DNAH14: variants seen among roughly 807,000 people sequenced by gnomAD.
The protein encoded by DNAH14 is axonemal beta dynein heavy chain 14.
DNAH14 carries 478 observed loss-of-function variants against 520.9 expected under a neutral mutation model. That is an observed-to-expected ratio of 0.92 (90% CI 0.85 to 0.99). DNAH14 has a LOEUF of 0.99. Ranked by LOEUF, DNAH14 falls within the 50% of genes least tolerant of loss-of-function variation. The pLI, the probability that DNAH14 is intolerant of heterozygous loss-of-function variation, is 0.00. For synonymous variants in DNAH14, 1,581 were observed against 1,757.2 expected, an observed-to-expected ratio of 0.90 and a Z score of 2.51; for missense variants, 4,831 against 5,234.5, an observed-to-expected ratio of 0.92 and a Z score of 2.38.
intron 3 of DNAH14, among the ~76,000 whole-genome samples, chr1:224,957,525 C>T (rs1420664642): frequency 6.6e-6 from 1 of 151,988 alleles, no homozygotes; most frequent in African/African-American, 2.4e-5. Context: ...GGCCAAGGAA[C>T]AGTAGCAATT....
chr1:225,281,185 G>T (rs757773744), intron 54 of DNAH14, among the ~76,000 whole-genome samples: 2 of 152,180 alleles, frequency 1.3e-5, no homozygotes, highest in Non-Finnish European at 2.9e-5. Context: ...TAAGGTATAG[G>T]TATGACTGCA....
intron 34 of DNAH14, among the ~76,000 whole-genome samples, chr1:225,154,773 G>A (rs1207050625): frequency 1.3e-5 from 2 of 151,550 alleles, no homozygotes; most frequent in Non-Finnish European, 2.9e-5. Flanking sequence ...GAGTACGGAA[G>A]ATCTTTAAAA....
chr1:224,958,282 A>G (rs967374598), intron 3 of DNAH14, among the ~76,000 whole-genome samples: 6 of 152,118 alleles, frequency 3.9e-5, no homozygotes, highest in Non-Finnish European at 5.9e-5. Flanking sequence ...TGGACAGACA[A>G]TAGGATTTTT....
Position 225,303,204 on chromosome 1 carries a change from C to A in DNAH14, c.8680C>A (p.Pro2894Thr). 1 of 1,538,516 alleles carries A rather than the reference C, an allele frequency of 6.5e-7. No individual in the cohort carries two copies. The highest frequency in any genetic ancestry group is 8.8e-7 in the Non-Finnish European group (1 of 1,141,992). The change falls in exon 57 of 86, where the codon CCT becomes ACT. Residue 2894 changes from proline to threonine, a missense_variant. Physicochemically the swap from Pro to Thr is conservative, Grantham distance 38. Transcript: ENST00000682510. The part of the protein sequence containing the change: ...HIFVIMSPEG[P>T]SFRQNCRVYP... ...TTTTGTGATCATGAGTCCTGAAGGA[C>A]CTAGCTTCCGCCAAAATTGTAGAGT...
At chr1:224,931,355 A>C (rs957197686) in intron 1 of DNAH14, among the ~76,000 whole-genome samples, 1 of 152,196 alleles carries the variant, frequency 6.6e-6, no homozygotes, top group Non-Finnish European at 1.5e-5. Context: ...ATTTATTTTT[A>C]TATTTAAATG....
intron 8 of DNAH14, among the ~76,000 whole-genome samples, chr1:224,997,621 T>A (rs1395058121): frequency 1.3e-5 from 2 of 152,136 alleles, no homozygotes; most frequent in African/African-American, 4.8e-5. Context: ...TTTACTGATA[T>A]CAGTCTGTGT....
intron 69 of DNAH14, among the ~76,000 whole-genome samples, 200 bp downstream of exon 69, chr1:225,340,901 C>G (rs1054729771): frequency 1.3e-5 from 2 of 152,144 alleles, no homozygotes; most frequent in African/African-American, 4.8e-5. Flanking sequence ...TTTGCTTCAG[C>G]TCATTGTGTT....
chr1:224,956,637 A>G (rs559750021), intron 3 of DNAH14, among the ~76,000 whole-genome samples: 3 of 152,160 alleles, frequency 2.0e-5, no homozygotes, highest in Non-Finnish European at 4.4e-5. Flanking sequence ...TAAGCAATAC[A>G]TGACTGTATT....
intron 11 of DNAH14, among the ~76,000 whole-genome samples, chr1:225,034,687 CTG>C (rs1426420193): frequency 6.6e-6 from 1 of 152,052 alleles, no homozygotes; most frequent in African/African-American, 2.4e-5. Flanking sequence ...TAGAACTTGA[CTG>C]TGATTTCATC....
chr1:225,385,879 C>A (rs1282741602), intron 81 of DNAH14, among the ~76,000 whole-genome samples: 1 of 152,172 alleles, frequency 6.6e-6, no homozygotes, highest in African/African-American at 2.4e-5. Context: ...GAAAAAACTA[C>A]TTTAAAGTTC....
chr1:225,129,972 GA>G (rs555355357), intron 27 of DNAH14, among the ~76,000 whole-genome samples: 1 of 151,986 alleles, frequency 6.6e-6, no homozygotes, highest in African/African-American at 2.4e-5. Flanking sequence ...AAATTTACAA[GA>G]AAAAAACAAA....
chr1:225,164,843 A>G (rs1007339870), intron 35 of DNAH14, among the ~76,000 whole-genome samples: 1 of 152,134 alleles, frequency 6.6e-6, no homozygotes, highest in African/African-American at 2.4e-5. Context: ...CCTGGTTGTT[A>G]TAGAAATGTT....
At chr1:225,293,148 C>T (rs1458350321) in intron 55 of DNAH14, among the ~76,000 whole-genome samples, 2 of 152,044 alleles carry the variant, frequency 1.3e-5, no homozygotes, top group African/African-American at 4.8e-5. Context: ...GTCAGAATGG[C>T]TACTATTAAA....
intron 12 of DNAH14, among the ~76,000 whole-genome samples, chr1:225,040,395 A>G (rs2067370986): frequency 6.6e-6 from 1 of 152,246 alleles, no homozygotes; most frequent in Non-Finnish European, 1.5e-5. Flanking sequence ...TGTGGGTGGT[A>G]GGAATCTTGA....
In DNAH14 at chr1:225,079,405, G is replaced by A; in HGVS notation, c.2623G>A (p.Val875Ile). 6.4e-7 allele frequency: 1 copy of A among 1,550,696 alleles called. No homozygotes were observed. Residue 875 changes from valine (V) to isoleucine (I), a missense_variant, in exon 18 of 86, where the codon GTT becomes ATT. By Grantham distance (29) the Val-to-Ile change is conservative. Transcript: ENST00000682510. ...ISEEQIAIFQ[V>I]LLLKFSQLKS... Reference sequence around the variant, plus strand: ...AGAAGAGCAAATTGCCATATTCCAAGTTCTTCTTCTTAAGTTTAGTCAACT... The same window carrying A: ...AGAAGAGCAAATTGCCATATTCCAAATTCTTCTTCTTAAGTTTAGTCAACT...
intron 3 of DNAH14, among the ~76,000 whole-genome samples, chr1:224,956,094 T>C (rs1160306477): frequency 6.6e-6 from 1 of 152,138 alleles, no homozygotes; most frequent in African/African-American, 2.4e-5. Flanking sequence ...TTATTTCCAT[T>C]TTTCCCCCTT....
chr1:225,060,329 G>C (rs976771334), intron 17 of DNAH14, among the ~76,000 whole-genome samples: 1 of 151,852 alleles, frequency 6.6e-6, no homozygotes, highest in East Asian at 1.9e-4. Context: ...TTGTGCATTC[G>C]TCACATAGTT....
intron 17 of DNAH14, among the ~76,000 whole-genome samples, chr1:225,063,108 A>C (rs754906225): frequency 3.1e-5 from 4 of 129,316 alleles, no homozygotes; most frequent in Non-Finnish European, 5.2e-5. Context: ...TGAACATAAC[A>C]GACAAATGAA....
At chr1:225,311,025 T>G (rs2094353560) in intron 60 of DNAH14, among the ~76,000 whole-genome samples, 1 of 152,220 alleles carries the variant, frequency 6.6e-6, no homozygotes, top group African/African-American at 2.4e-5. Flanking sequence ...ATTCCCACAC[T>G]GTCTTCCACA....
Sources: allele counts gnomAD v4.1 joint callset (sites outside exome capture counted in the v4.1 genomes callset), GRCh38; gene constraint gnomAD v4.1.1; transcripts MANE v1.5; gene names NCBI Gene and HGNC (gene_info 2026-07-23, HGNC 2026-07-21).